INSYN2A: variants seen among roughly 807,000 people sequenced by gnomAD.
The protein encoded by INSYN2A is family with sequence similarity 196 member A.
In INSYN2A, 17 loss-of-function variants were observed where a neutral mutation model predicts 39.4. The ratio of observed to expected loss-of-function variants is 0.43; its 90% confidence interval spans 0.30 to 0.65. INSYN2A has a LOEUF of 0.65. Among genes scored for constraint, INSYN2A ranks in the 30% least tolerant of loss-of-function variants. The pLI is 0.14. For synonymous variants in INSYN2A, 255 were observed against 265.7 expected, an observed-to-expected ratio of 0.96 and a Z score of 0.39; for missense variants, 595 against 631.2, an observed-to-expected ratio of 0.94 and a Z score of 0.61.
At position 127,175,635 on chromosome 10, in the gene INSYN2A, G is replaced by A; in HGVS notation, c.761C>T (p.Ala254Val). ...ACTGAGGGCAGGTGCGTAAACGGTG[G>A]CAACCTCCGTTTTAAACACCCTCCT... is the stretch of plus-strand genomic sequence containing the variant. The part of the protein sequence containing the change: ...ALRRVFKTEV[A>V]TVYAPALSAR... Residue 254 changes from alanine (A) to valine (V), a missense_variant, in exon 4 of 6, where the codon GCC (alanine) becomes GTC (valine). Around this residue, in one of 2 missense-constraint regions of INSYN2A, gnomAD observed 478 missense variants for 467.4 expected, o/e 1.02. Coordinates refer to ENST00000522781, the MANE Select transcript of INSYN2A (RefSeq NM_001039762.3). The surrounding 1 kb of genome is among the most constrained non-coding windows in gnomAD (Gnocchi z 6.3). 2.5e-6 allele frequency: 4 copies of A among 1,613,198 alleles called. No individual in the cohort carries two copies. The East Asian group carries it at 6.7e-5, about 27-fold the overall frequency.
At chr10:127,173,546 A>G (rs1020866194) in intron 4 of INSYN2A, among the ~76,000 whole-genome samples, 2 of 152,168 alleles carry the variant, frequency 1.3e-5, no homozygotes, top group Non-Finnish European at 2.9e-5. Flanking sequence ...TCCTGTGAGT[A>G]TGCACATTAG....
chr10:127,145,852 T>G, intron 5 of INSYN2A: 1 of 370,114 alleles, frequency 2.7e-6, no homozygotes, highest in South Asian at 2.0e-5. Flanking sequence ...ACGGAAACCA[T>G]TAGCTGCTTG....
At chr10:127,153,814 CATA>C (rs1355422220) in intron 5 of INSYN2A, 35 bp downstream of exon 5, 23 of 1,474,254 alleles carry the variant, frequency 1.6e-5, no homozygotes, top group Non-Finnish European at 2.0e-5. Context: ...ATTTGTCACT[CATA>C]ATAAGAAAGT....
intron 2 of INSYN2A, among the ~76,000 whole-genome samples, chr10:127,185,030 G>A (rs529806537): frequency 1.3e-5 from 2 of 152,198 alleles, no homozygotes; most frequent in Non-Finnish European, 2.9e-5. Context: ...GACCATGTAA[G>A]AGGAGGGAAG....
intron 4 of INSYN2A, among the ~76,000 whole-genome samples, chr10:127,159,526 C>A (rs1198866291): frequency 6.6e-6 from 1 of 152,024 alleles, no homozygotes; most frequent in African/African-American, 2.4e-5. Context: ...CACATACATA[C>A]CTTTGTAAAT....
intron 5 of INSYN2A, among the ~76,000 whole-genome samples, chr10:127,140,384 C>T (rs2051113958): frequency 6.6e-6 from 1 of 152,150 alleles, no homozygotes. Flanking sequence ...TGGTAGAGGG[C>T]ACTTATGAGT....
chr10:127,152,620 G>C (rs1307866734), intron 5 of INSYN2A, among the ~76,000 whole-genome samples: 1 of 152,216 alleles, frequency 6.6e-6, no homozygotes, highest in Non-Finnish European at 1.5e-5. Flanking sequence ...TGTGGGGGTT[G>C]CCCTGTGCAG....
In INSYN2A at chr10:127,136,292, G is replaced by A. The variant is rs140280042; in HGVS notation, c.*1545C>T. The A allele has an allele frequency of 4.9e-4, 75 of 152,152 alleles. No homozygotes were observed. Among genetic ancestry groups the A allele is most frequent in the Middle Eastern group, 3.4e-3 (1 of 294 alleles). 9.4% of individuals were successfully genotyped at this position (152,152 alleles called of 1,614,324 possible). A position where few individuals can be genotyped will look rare whatever the true frequency, so the allele number is the denominator to read the frequency against. ...CTGTTGAGTCAGGAGGAAAATACAT[G>A]GCAAGAAGCAGCTCCAATCTGACAA... On this transcript the variant is annotated 3_prime_UTR_variant, in exon 6 of 6. Transcript: ENST00000522781.
chr10:127,169,432 C>T (rs751214662), intron 4 of INSYN2A, among the ~76,000 whole-genome samples: 1 of 152,218 alleles, frequency 6.6e-6, no homozygotes, highest in Non-Finnish European at 1.5e-5. Context: ...GGCAGTCACA[C>T]ACCTTGGACT....
chr10:127,160,563 A>G (rs1013003839), intron 4 of INSYN2A, among the ~76,000 whole-genome samples: 1 of 152,230 alleles, frequency 6.6e-6, no homozygotes, highest in Non-Finnish European at 1.5e-5. Flanking sequence ...AGCTTCTAGC[A>G]TGTCAGGGAG....
chr10:127,143,610 A>G (rs951079), intron 5 of INSYN2A, among the ~76,000 whole-genome samples: 123,973 of 152,130 alleles, frequency 0.81, 51,460 homozygotes, highest in South Asian at 0.92. Flanking sequence ...TCCCCAAAGC[A>G]CAACAATTTA....
At chr10:127,165,644 A>G (rs72834691) in intron 4 of INSYN2A, among the ~76,000 whole-genome samples, 1 of 152,164 alleles carries the variant, frequency 6.6e-6, no homozygotes, top group East Asian at 1.9e-4. Context: ...TGTGGACATC[A>G]ATATGAGGAA....
rs1486043174 is a variant in INSYN2A at position 127,137,936 on chromosome 10, T to G, written c.1341A>C (p.Ile447=). 6.2e-7 allele frequency: 1 copy of G among 1,614,126 alleles called. No individual in the cohort carries two copies. Among genetic ancestry groups the G allele is most frequent in the South Asian group, 1.1e-5 (1 of 91,080 alleles). ...AAGTCTCCTGAGAGTAAGGCGAAGGTATGACCTGAGTTTCCTCAATAGGGT... is the reference window on the plus strand; with the variant it reads ...AAGTCTCCTGAGAGTAAGGCGAAGGGATGACCTGAGTTTCCTCAATAGGGT... ...KLHPIEETQV[I]PSPYSQETYS... The change falls in exon 6 of 6, where the codon ATA becomes ATC. Residue 447 remains isoleucine, a synonymous_variant. Coordinates refer to ENST00000522781, the MANE Select transcript of INSYN2A (RefSeq NM_001039762.3).
At chr10:127,165,317 T>C (rs1321135533) in intron 4 of INSYN2A, among the ~76,000 whole-genome samples, 2 of 152,316 alleles carry the variant, frequency 1.3e-5, no homozygotes, top group East Asian at 3.9e-4. Flanking sequence ...AAGCCTGACC[T>C]TGCATTTGCT....
At chr10:127,147,684 A>T (rs2052022330) in intron 5 of INSYN2A, among the ~76,000 whole-genome samples, 1 of 152,046 alleles carries the variant, frequency 6.6e-6, no homozygotes, top group South Asian at 2.1e-4. Flanking sequence ...AATACCCTTT[A>T]GGACCCCAAA....
intron 4 of INSYN2A, among the ~76,000 whole-genome samples, chr10:127,165,492 T>C (rs1241299767): frequency 6.6e-6 from 1 of 152,226 alleles, no homozygotes; most frequent in African/African-American, 2.4e-5. Context: ...ACTGCCTTTT[T>C]GGTTGAAGGA....
In INSYN2A at chr10:127,137,041, A is replaced by G. The variant is rs1188681441; in HGVS notation, c.*796T>C. 1 of 152,646 alleles carries G rather than the reference A, an allele frequency of 6.6e-6. No individual in the cohort carries two copies. Among genetic ancestry groups the G allele is most frequent in the Non-Finnish European group, 1.5e-5 (1 of 68,040 alleles). The allele number at this position is 152,646 out of a possible 1,614,324, so 9.5% of individuals were successfully genotyped here. On this transcript the variant is annotated 3_prime_UTR_variant, in exon 6 of 6. Coordinates refer to ENST00000522781, the MANE Select transcript of INSYN2A (RefSeq NM_001039762.3). ...ATGTATTATTTGGCCTTTGGGTACC[A>G]AAAGATTAAAAATGAGATCTAAGAA...
intron 2 of INSYN2A, among the ~76,000 whole-genome samples, chr10:127,189,798 CTG>C (rs1589854040): frequency 6.6e-6 from 1 of 152,162 alleles, no homozygotes; most frequent in East Asian, 1.9e-4. Context: ...TAAGTGGACA[CTG>C]TGCAGTGTGA....
At chr10:127,157,207 G>C (rs2053167532) in intron 4 of INSYN2A, among the ~76,000 whole-genome samples, 1 of 152,206 alleles carries the variant, frequency 6.6e-6, no homozygotes, top group African/African-American at 2.4e-5. Flanking sequence ...AGACCTGGAT[G>C]GTAATGAAAA....
Sources: allele counts gnomAD v4.1 joint callset (sites outside exome capture counted in the v4.1 genomes callset), GRCh38; gene constraint gnomAD v4.1.1; regional missense constraint gnomAD v4.1.1; non-coding constraint Gnocchi (gnomAD v3.1); transcripts MANE v1.5; gene names NCBI Gene and HGNC (gene_info 2026-07-23, HGNC 2026-07-21).